Variants in ITIH1 observed in about 807,000 individuals in gnomAD.
ITIH1 encodes inter-alpha-trypsin inhibitor heavy chain H1.
A neutral mutation model predicts 104.6 loss-of-function variants in ITIH1; 94 were observed. The observed-to-expected ratio is 0.90, with a 90% CI of 0.76 to 1.07. The LOEUF is 1.07. Among genes scored for constraint, ITIH1 ranks in the 50% least tolerant of loss-of-function variants. The pLI is 0.00. For missense variants in ITIH1, 1,193 were observed against 1,181.4 expected (o/e 1.01, Z -0.14); for synonymous variants, 455 against 464.4 (o/e 0.98, Z 0.26).
intron 21 of ITIH1, 51 bp downstream of exon 21, chr3:52,791,679 TTCCAGGTCTTCC>T (rs1233043160): frequency 6.2e-7 from 1 of 1,609,342 alleles, no homozygotes; most frequent in African/African-American, 1.3e-5. Context: ...TTTGTAGTTC[TTCCAGGTCTTCC>T]TCCAGGTGTC....
Position 52,780,338 on chromosome 3 carries a change from G to A in ITIH1, c.643G>A (p.Glu215Lys). The A allele has an allele frequency of 6.2e-7, 1 of 1,614,102 alleles. No individual in the cohort carries two copies. Among genetic ancestry groups the A allele is most frequent in the Non-Finnish European group, 8.5e-7 (1 of 1,179,992 alleles). Residue 215 changes from glutamate to lysine, a missense_variant, in exon 6 of 22, where the codon GAA (glutamate) becomes AAA (lysine). By Grantham distance (56) the Glu-to-Lys change is moderately conservative. Coordinates refer to ENST00000273283, the MANE Select transcript of ITIH1 (RefSeq NM_002215.4). ...LDAQASFLPKELAAQTIKKSF... is the reference protein window; with the variant it reads ...LDAQASFLPKKLAAQTIKKSF... ...TGCCCAGGCCTCTTTCCTGCCGAAG[G>A]AACTGGCAGCCCAAACTATCAAGAA...
At chr3:52,787,543 G>A (rs750685901) in intron 15 of ITIH1, 49 bp from the exon 16 acceptor site, 4 of 1,611,834 alleles carry the variant, frequency 2.5e-6, no homozygotes, top group East Asian at 2.2e-5. Context: ...TTTCGTGTGG[G>A]GCACCGTGGG....
chr3:52,787,131 G>C (rs565764366), intron 14 of ITIH1, 32 bp downstream of exon 14: 9 of 1,614,092 alleles, frequency 5.6e-6, no homozygotes, highest in East Asian at 2.2e-5. Flanking sequence ...AGAAGGGAGA[G>C]GCCATGGGCC....
At chr3:52,785,299 C>T in intron 12 of ITIH1, 70 bp downstream of exon 12, 1 of 1,463,144 alleles carries the variant, frequency 6.8e-7, no homozygotes. Context: ...ACACTGTTCC[C>T]CATTCCTGCC....
rs1416097352 is a variant in ITIH1 at position 52,781,945 on chromosome 3, T to G, written c.693T>G (p.His231Gln). 1 of 1,614,176 alleles carries G rather than the reference T, an allele frequency of 6.2e-7. No individual in the cohort carries two copies. The highest frequency in any genetic ancestry group is 1.7e-5 in the Admixed American group (1 of 60,016). Reference protein sequence around the residue: ...IKKSFSGKKGHVLFRPTVSQQ... With the variant: ...IKKSFSGKKGQVLFRPTVSQQ... ...CACACTCTCGACGGTTCCAGGGTCATGTGCTGTTCCGTCCCACCGTGAGCC... is the reference window on the plus strand; with the variant it reads ...CACACTCTCGACGGTTCCAGGGTCAGGTGCTGTTCCGTCCCACCGTGAGCC... The change falls in exon 7 of 22, where the codon CAT (histidine) becomes CAG (glutamine). Residue 231 changes from histidine to glutamine, a missense_variant. Physicochemically the swap from His to Gln is conservative, Grantham distance 24. Coordinates refer to ENST00000273283, the MANE Select transcript of ITIH1 (RefSeq NM_002215.4).
chr3:52,780,456 C>T, intron 6 of ITIH1, 74 bp downstream of exon 6: 1 of 1,008,122 alleles, frequency 9.9e-7, no homozygotes, highest in Non-Finnish European at 1.5e-6. Context: ...TATGGAATGT[C>T]CAGCCTTAGC....
At position 52,791,765 on chromosome 3, in the gene ITIH1, G is replaced by A; in HGVS notation, c.2607-17G>A. 1 of 1,610,254 alleles carries A rather than the reference G, an allele frequency of 6.2e-7. No individual in the cohort carries two copies. The highest frequency in any genetic ancestry group is 8.5e-7 in the Non-Finnish European group (1 of 1,177,900). The stretch of plus-strand genomic sequence containing the variant: ...ACTGGTCCGAAGGGTGACCCCAGCT[G>A]ACTTGTCTCTGCACAGGGGTTTGCA... On this transcript the variant is annotated splice_polypyrimidine_tract_variant and intron_variant, in intron 21 of 21. Coordinates refer to ENST00000273283, the MANE Select transcript of ITIH1 (RefSeq NM_002215.4).
At position 52,779,797 on chromosome 3, in the gene ITIH1, C is replaced by T. The variant is rs1698991029; in HGVS notation, c.573+203C>T. 1.2e-5 allele frequency: 13 copies of T among 1,072,916 alleles called. No homozygotes were observed. The highest frequency in any genetic ancestry group is 2.7e-5 in the Admixed American group (1 of 36,650). The allele number at this position is 1,072,916 out of a possible 1,614,324, so 66.5% of individuals were successfully genotyped here. On this transcript the variant is annotated intron_variant, in intron 5 of 21. Transcript: ENST00000273283. The surrounding 1 kb of genome is among the most constrained non-coding windows in gnomAD (Gnocchi z 4.4). ...TAACTTCCTCTTTATCTCTGAGCTT[C>T]GGTTTGCTCATCTGCTAGACGGGGG...
chr3:52,780,090 C>G, intron 5 of ITIH1, 179 bp from the exon 6 acceptor site: 1 of 960,670 alleles, frequency 1.0e-6, no homozygotes, highest in African/African-American at 1.7e-5. Context: ...TTGGCTGAGA[C>G]TTGGTGAGTG....
intron 6 of ITIH1, 23 bp downstream of exon 6, chr3:52,780,405 G>C (rs1699005043): frequency 5.2e-6 from 8 of 1,545,118 alleles, no homozygotes; most frequent in Non-Finnish European, 7.1e-6. Context: ...GCAAGGGGGT[G>C]GTGGTGGGCC....
chr3:52,778,025 A>G lies in ITIH1; in HGVS notation c.138+8A>G. The G allele has an allele frequency of 8.7e-6, 14 of 1,614,196 alleles. No homozygotes were observed. The highest frequency in any genetic ancestry group is 1.2e-5 in the Non-Finnish European group (14 of 1,180,030). On this transcript the variant is annotated splice_region_variant and intron_variant, in intron 2 of 21. Coordinates refer to ENST00000273283, the MANE Select transcript of ITIH1 (RefSeq NM_002215.4). ...CGACAGGCTGTGGACACCGTGAGTA[A>G]GAGTCCTGGCAAAGGGGTCTGTGAC...
rs1464036182 is a variant in ITIH1 at position 52,786,364 on chromosome 3, G to A, written c.1663G>A (p.Gly555Ser). ...GATGAAGAAACTGCTCCGAGAGCGT[G>A]GCCACATGCTGGAGAACCACGTCGA... Reference protein sequence around the residue: ...EEMKKLLRERGHMLENHVERL... With the variant: ...EEMKKLLRERSHMLENHVERL... Residue 555 changes from glycine to serine, a missense_variant, in exon 13 of 22, where the codon GGC becomes AGC. Physicochemically the swap from Gly to Ser is moderately conservative, Grantham distance 56 (BLOSUM62 0). Transcript: ENST00000273283. The A allele has an allele frequency of 6.3e-7, 1 of 1,582,042 alleles. No homozygotes were observed. The highest frequency in any genetic ancestry group is 8.6e-7 in the Non-Finnish European group (1 of 1,163,528).
At chr3:52,778,857 C>T in intron 3 of ITIH1, 85 bp from the exon 4 acceptor site, 3 of 1,159,682 alleles carry the variant, frequency 2.6e-6, no homozygotes, top group Non-Finnish European at 3.9e-6. Context: ...ACGTCCTTAT[C>T]CAAGGGCTCA....
At chr3:52,784,872 C>T (rs1309085629) in intron 11 of ITIH1, among the ~76,000 whole-genome samples, 172 bp from the exon 12 acceptor site, 2 of 122,978 alleles carry the variant, frequency 1.6e-5, no homozygotes, top group Non-Finnish European at 3.4e-5. Flanking sequence ...GAGACTCTGT[C>T]TCAGAAAAAA....
intron 20 of ITIH1, among the ~76,000 whole-genome samples, chr3:52,791,293 C>T (rs1357133583): frequency 1.3e-5 from 2 of 152,080 alleles, no homozygotes; most frequent in Non-Finnish European, 2.9e-5. Context: ...CCAGACAGAT[C>T]CCGTTTTAAA....
Position 52,778,437 on chromosome 3 carries a change from C to T in ITIH1, c.236C>T (p.Ala79Val). The T allele has an allele frequency of 5.6e-6, 9 of 1,614,202 alleles. No individual in the cohort carries two copies. The highest frequency in any genetic ancestry group is 1.6e-4 in the Middle Eastern group (1 of 6,062). ...YVVTSQVVNT[A>V]NEAREVAFDL... ...GTCACCAGCCAAGTGGTCAACACTG[C>T]CAATGAAGCCAGGGAAGTGGCCTTC... The change falls in exon 3 of 22, where the codon GCC becomes GTC. Residue 79 changes from alanine (A) to valine (V), a missense_variant. Ala to Val is a moderately conservative substitution (Grantham distance 64). Transcript: ENST00000273283.
Position 52,786,825 on chromosome 3 carries a change from T to G in ITIH1, c.1734-120T>G, listed in dbSNP as rs1699214742. 2.5e-6 allele frequency: 3 copies of G among 1,210,896 alleles called. No homozygotes were observed. The Admixed American group carries it at 7.8e-5, about 32-fold the overall frequency. The allele number at this position is 1,210,896 out of a possible 1,614,324, so 75.0% of individuals were successfully genotyped here. ...CACTGCATAGGACACCATGGGGGCT[T>G]AATACTTATGTGTCGAATGAATGAA... On this transcript the variant is annotated intron_variant, in intron 13 of 21. Coordinates refer to ENST00000273283, the MANE Select transcript of ITIH1 (RefSeq NM_002215.4).
Position 52,788,326 on chromosome 3 carries a change from G to C in ITIH1, c.2100G>C (p.Leu700=). 6.2e-7 allele frequency: 1 copy of C among 1,605,610 alleles called. No homozygotes were observed. The highest frequency in any genetic ancestry group is 8.5e-7 in the Non-Finnish European group (1 of 1,175,568). The change falls in exon 18 of 22, where the codon CTG becomes CTC. Residue 700 remains leucine, a synonymous_variant. Coordinates refer to ENST00000273283, the MANE Select transcript of ITIH1 (RefSeq NM_002215.4). ...AGGAGCCTGGTGTTATCCTGAGCCT[G>C]GTACAGGACCCCAACACAGGTATGG... is the stretch of plus-strand genomic sequence containing the variant. ...INEEPGVILS[L]VQDPNTGFSV... is the part of the protein sequence containing the mutation.
At chr3:52,783,472 G>C in intron 10 of ITIH1, 133 bp downstream of exon 10, 1 of 924,472 alleles carries the variant, frequency 1.1e-6, no homozygotes, top group Middle Eastern at 3.4e-4. Context: ...TCAAGCACTG[G>C]TCTAAAAACA....
Sources: gnomAD v4.1 joint callset for allele counts (sites outside exome capture counted in the v4.1 genomes callset) on GRCh38, gnomAD v4.1.1 for gene constraint, Gnocchi (gnomAD v3.1) non-coding constraint, MANE v1.5 for transcripts, NCBI Gene and HGNC (gene_info 2026-07-23, HGNC 2026-07-21) for gene names.